Variants in MTUS2 observed in about 807,000 individuals in gnomAD.
MTUS2 encodes microtubule associated scaffold protein 2, also known as microtubule-associated tumor suppressor candidate 2.
In MTUS2, 40 loss-of-function variants were observed where a neutral mutation model predicts 114.1. The observed-to-expected ratio is 0.35, with a 90% CI of 0.27 to 0.46. The LOEUF is 0.46. Among genes scored for constraint, MTUS2 ranks in the 20% least tolerant of loss-of-function variants. The probability of loss-of-function intolerance (pLI) is 1.00; values close to 1 mark genes in which losing one functional copy is unlikely to be tolerated. For synonymous variants in MTUS2, 688 were observed against 672.0 expected, an observed-to-expected ratio of 1.02 and a Z score of -0.37; for missense variants, 1,679 against 1,705.4, an observed-to-expected ratio of 0.98 and a Z score of 0.27.
chr13:29,118,881 G>A (rs1338694330), intron 5 of MTUS2, among the ~76,000 whole-genome samples: 1 of 152,308 alleles, frequency 6.6e-6, no homozygotes. Flanking sequence ...GGAGTGGACG[G>A]TGAGTCCTGA....
chr13:29,370,653 C>G (rs1016176218), intron 8 of MTUS2, among the ~76,000 whole-genome samples: 1 of 152,172 alleles, frequency 6.6e-6, no homozygotes, highest in Non-Finnish European at 1.5e-5. Flanking sequence ...GTGCTATGCT[C>G]TTGGACTTCC....
At chr13:29,122,143 C>T (rs953634148) in intron 5 of MTUS2, among the ~76,000 whole-genome samples, 6 of 152,084 alleles carry the variant, frequency 3.9e-5, no homozygotes, top group South Asian at 4.2e-4. Flanking sequence ...GGATTGAGTC[C>T]CCTGAGTAGG....
At chr13:29,363,078 TGTA>T (rs1455932456) in intron 8 of MTUS2, among the ~76,000 whole-genome samples, 9 of 148,424 alleles carry the variant, frequency 6.1e-5, no homozygotes, top group African/African-American at 2.3e-4. Context: ...CCCCAAGTGG[TGTA>T]GTAATGAGTG....
intron 2 of MTUS2, among the ~76,000 whole-genome samples, chr13:28,911,436 A>G (rs940831575): frequency 6.6e-6 from 1 of 152,024 alleles, no homozygotes; most frequent in Non-Finnish European, 1.5e-5. Flanking sequence ...AGCCTCCCGA[A>G]GTGCTGGGAT....
chr13:29,268,717 G>A (rs1056291099), intron 5 of MTUS2, among the ~76,000 whole-genome samples: 3 of 151,812 alleles, frequency 2.0e-5, no homozygotes, highest in Non-Finnish European at 2.9e-5. Flanking sequence ...ATTCTATTCC[G>A]TAATGATTCT....
chr13:28,821,448 C>T (rs58732770), intron 1 of MTUS2, among the ~76,000 whole-genome samples: 4,232 of 152,242 alleles, frequency 0.028, 194 homozygotes, highest in African/African-American at 0.094. Context: ...ATTTTTATCT[C>T]TGATGGAAAC....
In MTUS2 at chr13:28,889,336, C is replaced by G. The variant is rs1878780981; in HGVS notation, c.-243+49486C>G. On this transcript the variant is annotated intron_variant, in intron 2 of 15. Transcript: ENST00000612955. Reference sequence around the variant, plus strand: ...CATTGCCTACCCCAGAGTAATTAAACTCATTTCCACAGTAGCATTTTCTCT... The same window carrying G: ...CATTGCCTACCCCAGAGTAATTAAAGTCATTTCCACAGTAGCATTTTCTCT... Among the ~76,000 whole-genome samples, 3 of 152,232 alleles carry G rather than the reference C, an allele frequency of 2.0e-5. No individual in the cohort carries two copies. In the South Asian group the frequency reaches 6.2e-4, roughly 32 times the overall value.
intron 2 of MTUS2, among the ~76,000 whole-genome samples, chr13:28,881,575 C>T (rs900887713): frequency 3.3e-5 from 5 of 152,180 alleles, no homozygotes; most frequent in Non-Finnish European, 2.9e-5. Context: ...AGGGGTTGTA[C>T]TAATTTGCAT....
intron 2 of MTUS2, among the ~76,000 whole-genome samples, chr13:29,003,771 G>A (rs976480655): frequency 1.6e-4 from 24 of 152,184 alleles, no homozygotes; most frequent in African/African-American, 5.8e-4. Context: ...GAGCAAGGGA[G>A]TGCTGGGCAT....
At chr13:29,437,244 A>G (rs1877481029) in intron 8 of MTUS2, among the ~76,000 whole-genome samples, 1 of 152,230 alleles carries the variant, frequency 6.6e-6, no homozygotes, top group African/African-American at 2.4e-5. Context: ...AAGTCTTTGC[A>G]ACTCTCATTA....
intron 2 of MTUS2, among the ~76,000 whole-genome samples, chr13:29,003,891 C>T (rs1885489871): frequency 6.6e-6 from 1 of 152,180 alleles, no homozygotes; most frequent in African/African-American, 2.4e-5. Context: ...TGCTGTCTCT[C>T]ATCTAGTCTC....
At chr13:29,098,059 A>C (rs1890250193) in intron 4 of MTUS2, among the ~76,000 whole-genome samples, 6 of 152,194 alleles carry the variant, frequency 3.9e-5, no homozygotes. Context: ...TCAAAGATCC[A>C]GGGACCACCT....
chr13:28,828,776 A>G lies in MTUS2; in HGVS notation c.-316+8165A>G, dbSNP rs377501729. Among the ~76,000 whole-genome samples the G allele has an allele frequency of 1.0e-3, 152 of 152,288 alleles. 1 individual carries two copies. The highest frequency in any genetic ancestry group is 3.5e-3 in the African/African-American group (147 of 41,574). Reference sequence around the variant, plus strand: ...ATTTTAGAAAATCAAGATTAATGCAAAAAATCCATAATGAACAAAATATCA... The same window carrying G: ...ATTTTAGAAAATCAAGATTAATGCAGAAAATCCATAATGAACAAAATATCA... On this transcript the variant is annotated intron_variant, in intron 1 of 15. Transcript: ENST00000612955.
chr13:28,824,094 A>G (rs1463917841), intron 1 of MTUS2, among the ~76,000 whole-genome samples: 1 of 152,200 alleles, frequency 6.6e-6, no homozygotes, highest in African/African-American at 2.4e-5. Context: ...CTAGCAGCCT[A>G]AGGCCATGTG....
chr13:28,959,241 G>A (rs1007460118), intron 2 of MTUS2, among the ~76,000 whole-genome samples: 3 of 152,210 alleles, frequency 2.0e-5, no homozygotes, highest in Admixed American at 6.5e-5. Flanking sequence ...TGAACACCAC[G>A]GAAAAAGTGT....
intron 4 of MTUS2, among the ~76,000 whole-genome samples, chr13:29,069,358 T>A (rs1888804392): frequency 6.6e-6 from 1 of 152,178 alleles, no homozygotes; most frequent in Non-Finnish European, 1.5e-5. Flanking sequence ...AGGAAAAGAT[T>A]GATGTCCTAG....
In MTUS2 at chr13:29,206,722, A is replaced by G. The variant is rs534177921; in HGVS notation, c.2645-74982A>G. On this transcript the variant is annotated intron_variant, in intron 5 of 15. Transcript: ENST00000612955. ...TGTTGAAGATCAGTTGACTGTAGGT[A>G]GTAGGCTTTATTTCTGGGTTCTCTA... is the stretch of plus-strand genomic sequence containing the variant. Among the ~76,000 whole-genome samples the G allele has an allele frequency of 2.6e-5, 4 of 152,178 alleles. No homozygotes were observed. The East Asian group carries it at 5.8e-4, about 22-fold the overall frequency.
In MTUS2 at chr13:29,026,857, C is replaced by G; in HGVS notation, c.2159C>G (p.Pro720Arg). Residue 720 changes from proline to arginine, a missense_variant, in exon 3 of 16, where the codon CCC becomes CGC. Physicochemically the swap from Pro to Arg is moderately radical, Grantham distance 103. Coordinates refer to ENST00000612955, the MANE Select transcript of MTUS2 (RefSeq NM_001033602.4). ...SSGLMVSGIK[P>R]PGHPFSQMSE... is the part of the protein sequence containing the mutation. ...GGATTGATGGTGTCTGGAATCAAGC[C>G]CCCGGGACATCCTTTCAGTCAAATG... 6.2e-7 allele frequency: 1 copy of G among 1,603,792 alleles called. No individual in the cohort carries two copies. Among genetic ancestry groups the G allele is most frequent in the East Asian group, 2.2e-5 (1 of 44,872 alleles).
At chr13:28,977,931 A>G (rs1052179663) in intron 2 of MTUS2, among the ~76,000 whole-genome samples, 3 of 152,220 alleles carry the variant, frequency 2.0e-5, no homozygotes, top group African/African-American at 7.2e-5. Flanking sequence ...CAGCTGTAAT[A>G]CATACACTGT....
Sources: gnomAD v4.1 joint callset for allele counts (sites outside exome capture counted in the v4.1 genomes callset) on GRCh38, gnomAD v4.1.1 for gene constraint, MANE v1.5 for transcripts, NCBI Gene and HGNC (gene_info 2026-07-23, HGNC 2026-07-21) for gene names.